The following VWC2L variants were observed in gnomAD, a reference collection of about 807,000 sequenced individuals.
The protein encoded by VWC2L is von Willebrand factor C domain containing 2 like, also known as von Willebrand factor C domain-containing protein 2-like.
Under a neutral mutation model 21.6 loss-of-function variants are expected in VWC2L, and 10 were observed. The ratio of observed to expected loss-of-function variants is 0.46; its 90% CI spans 0.29 to 0.78. VWC2L has a LOEUF of 0.78. Among genes scored for constraint, VWC2L ranks in the 30% least tolerant of loss-of-function variants. VWC2L has a pLI of 0.10. For synonymous variants in VWC2L, 96 were observed against 94.3 expected, an observed-to-expected ratio of 1.02 and a Z score of -0.10; for missense variants, 209 against 277.1, an observed-to-expected ratio of 0.75 and a Z score of 1.74.
intron 2 of VWC2L, among the ~76,000 whole-genome samples, chr2:214,427,216 A>G (rs1371661204): frequency 6.6e-6 from 1 of 152,218 alleles, no homozygotes; most frequent in Non-Finnish European, 1.5e-5. Flanking sequence ...GACAGAGAAA[A>G]AAACAAAATT....
At chr2:214,426,008 C>T (rs1702519136) in intron 2 of VWC2L, among the ~76,000 whole-genome samples, 1 of 151,580 alleles carries the variant, frequency 6.6e-6, no homozygotes, top group African/African-American at 2.4e-5. Flanking sequence ...CCCATCTCTA[C>T]TAAAAATACA....
chr2:214,510,972 C>T (rs1183844636), intron 3 of VWC2L, among the ~76,000 whole-genome samples: 1 of 152,184 alleles, frequency 6.6e-6, no homozygotes, highest in Non-Finnish European at 1.5e-5. Flanking sequence ...CAACATAACA[C>T]TTTGAACCTA....
intron 3 of VWC2L, among the ~76,000 whole-genome samples, chr2:214,454,560 TTAGTTTAC>T (rs1703025112): frequency 6.6e-6 from 1 of 151,140 alleles, no homozygotes; most frequent in South Asian, 2.1e-4. Context: ...GGGGTTTATG[TTAGTTTAC>T]TAGTATACTG....
chr2:214,420,442 A>G (rs1004346359), intron 2 of VWC2L, among the ~76,000 whole-genome samples: 2 of 152,174 alleles, frequency 1.3e-5, no homozygotes, highest in African/African-American at 2.4e-5. Context: ...ACAGGTAGGT[A>G]ACACTTTGCA....
intron 3 of VWC2L, among the ~76,000 whole-genome samples, chr2:214,475,389 T>TA (rs145282542): frequency 0.14 from 20,811 of 148,826 alleles, 1,633 homozygotes; most frequent in East Asian, 0.26. Context: ...AAGGGATATG[T>TA]AAAAAAAAAA....
At chr2:214,558,460 T>A (rs534386264) in intron 3 of VWC2L, among the ~76,000 whole-genome samples, 1 of 152,334 alleles carries the variant, frequency 6.6e-6, no homozygotes, top group East Asian at 1.9e-4. Context: ...CTCCAAATCC[T>A]GCCCCTTCTC....
intron 3 of VWC2L, among the ~76,000 whole-genome samples, chr2:214,534,501 G>A: frequency 6.6e-6 from 1 of 152,032 alleles, no homozygotes; most frequent in East Asian, 1.9e-4. Context: ...AGAAAGCATT[G>A]GTGGGAGATA....
intron 3 of VWC2L, among the ~76,000 whole-genome samples, chr2:214,568,999 GC>G (rs1690109502): frequency 6.6e-6 from 1 of 152,054 alleles, no homozygotes; most frequent in South Asian, 2.1e-4. Context: ...TTTTCTAGGG[GC>G]TTTTCCCTTA....
chr2:214,518,288 C>T (rs755376101), intron 3 of VWC2L, among the ~76,000 whole-genome samples: 1 of 152,312 alleles, frequency 6.6e-6, no homozygotes, highest in East Asian at 1.9e-4. Flanking sequence ...TCAGTTTTCT[C>T]ATATGTAGTA....
At chr2:214,482,772 A>G (rs1415071729) in intron 3 of VWC2L, among the ~76,000 whole-genome samples, 2 of 151,994 alleles carry the variant, frequency 1.3e-5, no homozygotes, top group Non-Finnish European at 2.9e-5. Context: ...CAAAAAAATA[A>G]TAATAATAAG....
intron 3 of VWC2L, among the ~76,000 whole-genome samples, chr2:214,537,606 TAG>T (rs1049057382): frequency 2.6e-5 from 4 of 151,954 alleles, no homozygotes; most frequent in African/African-American, 9.7e-5. Flanking sequence ...AAGTTAAAGT[TAG>T]ACAGGATAAA....
intron 3 of VWC2L, among the ~76,000 whole-genome samples, chr2:214,440,640 T>C (rs774492746): frequency 1.3e-5 from 2 of 152,112 alleles, no homozygotes; most frequent in African/African-American, 2.4e-5. Context: ...TTTATATATA[T>C]AGCTAAAAAT....
chr2:214,570,766 C>G (rs892260819), intron 3 of VWC2L, among the ~76,000 whole-genome samples: 5 of 152,248 alleles, frequency 3.3e-5, no homozygotes, highest in Admixed American at 6.5e-5. Context: ...GTAAAAGATT[C>G]CATCTCCAAT....
rs550652784 is a variant in VWC2L at position 214,480,665 on chromosome 2, C to T, written c.520+43907C>T. Among the ~76,000 whole-genome samples the T allele has an allele frequency of 1.5e-4, 23 of 151,968 alleles. No individual in the cohort carries two copies. In the South Asian group the frequency reaches 4.6e-3, roughly 30 times the overall value. On this transcript the variant is annotated intron_variant, in intron 3 of 3. Transcript: ENST00000312504. Reference sequence around the variant, plus strand: ...TTCATTCTGGGGATAACTTCATGATCCAAGATGGCTACTGGAACATGAGTT... The same window carrying T: ...TTCATTCTGGGGATAACTTCATGATTCAAGATGGCTACTGGAACATGAGTT...
intron 3 of VWC2L, among the ~76,000 whole-genome samples, chr2:214,546,309 A>G (rs1052276430): frequency 6.6e-6 from 1 of 152,104 alleles, no homozygotes; most frequent in Non-Finnish European, 1.5e-5. Context: ...TGATTTCCAT[A>G]TGCTCATTGT....
In VWC2L at chr2:214,567,575, C is replaced by CAGAGAGAGAGAG. The variant is rs1451478991; in HGVS notation, c.521-8096_521-8095insGAGAGAGAGAGA. Among the ~76,000 whole-genome samples, 8 of 127,876 alleles carry CAGAGAGAGAGAG rather than the reference C, an allele frequency of 6.3e-5. 1 individual carries two copies. Among genetic ancestry groups the CAGAGAGAGAGAG allele is most frequent in the African/African-American group, 2.2e-4 (7 of 32,206 alleles). 83.9% of individuals were successfully genotyped at this position (127,876 alleles called of 152,430 possible). Reference sequence around the variant, plus strand: ...ACACACACACACACACACACACACACACACACACACACACACACACAGAGA... The same window carrying CAGAGAGAGAGAG: ...ACACACACACACACACACACACACACAGAGAGAGAGAGACACACACACACACACACACAGAGA... On this transcript the variant is annotated intron_variant, in intron 3 of 3. Transcript: ENST00000312504.
intron 3 of VWC2L, among the ~76,000 whole-genome samples, chr2:214,556,218 C>T (rs1005561595): frequency 3.3e-5 from 5 of 152,142 alleles, no homozygotes; most frequent in African/African-American, 1.2e-4. Context: ...CGAGACTGTG[C>T]CACTGCCCTC....
At chr2:214,511,345 C>T (rs1184733544) in intron 3 of VWC2L, among the ~76,000 whole-genome samples, 5 of 152,100 alleles carry the variant, frequency 3.3e-5, no homozygotes, top group African/African-American at 1.2e-4. Flanking sequence ...TGTGGTCCCC[C>T]CTCAAATTCA....
intron 3 of VWC2L, among the ~76,000 whole-genome samples, chr2:214,501,897 C>G (rs1474689343): frequency 6.6e-6 from 1 of 152,172 alleles, no homozygotes; most frequent in Non-Finnish European, 1.5e-5. Context: ...CCTGAGATTA[C>G]AGAGAAAGAG....
Sources: gnomAD v4.1 joint callset for allele counts (sites outside exome capture counted in the v4.1 genomes callset) on GRCh38, gnomAD v4.1.1 for gene constraint, MANE v1.5 for transcripts, NCBI Gene and HGNC (gene_info 2026-07-23, HGNC 2026-07-21) for gene names.